Variants in GOLGA6L7 observed in about 807,000 individuals in gnomAD.
The protein encoded by GOLGA6L7 is golgin A6 family like 7, also known as golgin subfamily A member 6-like protein 7.
Under a neutral mutation model 68.9 loss-of-function variants are expected in GOLGA6L7, and 29 were observed. That is an observed-to-expected ratio of 0.42 (90% confidence interval 0.31 to 0.57). The LOEUF (loss-of-function observed/expected upper bound fraction) is 0.57, where lower values mean the gene tolerates loss of function less well. GOLGA6L7 is among the 20% of genes least tolerant of loss of function. GOLGA6L7 has a pLI of 0.13. For synonymous variants in GOLGA6L7, 133 were observed against 197.4 expected (o/e 0.67, Z 2.73); for missense variants, 396 against 588.4 (o/e 0.67, Z 3.38).
chr15:28,848,011 C>T (rs1430778662), intron 1 of GOLGA6L7, among the ~76,000 whole-genome samples: 5 of 152,160 alleles, frequency 3.3e-5, no homozygotes, highest in African/African-American at 1.2e-4. Flanking sequence ...TTGAGATTGG[C>T]ATGGGGTCAC....
At chr15:28,847,775 T>C (rs573543108) in intron 1 of GOLGA6L7, among the ~76,000 whole-genome samples, 234 of 152,308 alleles carry the variant, frequency 1.5e-3, no homozygotes, top group African/African-American at 5.5e-3. Context: ...ATGAGGAAGA[T>C]TCAAGTTGTC....
At chr15:28,847,702 A>G (rs1198618362) in intron 1 of GOLGA6L7, among the ~76,000 whole-genome samples, 13 of 152,260 alleles carry the variant, frequency 8.5e-5, no homozygotes, top group African/African-American at 2.4e-4. Context: ...AGGAAAACTG[A>G]TGCTTCAGAA....
intron 7 of GOLGA6L7, 73 bp from the exon 8 acceptor site, chr15:28,843,948 C>T (rs1472400260): frequency 1.5e-6 from 1 of 683,444 alleles, no homozygotes; most frequent in Non-Finnish European, 2.4e-6. Context: ...GACCCTCTAC[C>T]CTCGCCCCAC....
chr15:28,844,201 C>G lies in GOLGA6L7; in HGVS notation c.521+4G>C. 1 of 500,024 alleles carries G rather than the reference C, an allele frequency of 2.0e-6. No individual in the cohort carries two copies. Among genetic ancestry groups the G allele is most frequent in the Non-Finnish European group, 3.4e-6 (1 of 290,168 alleles). 31.0% of individuals were successfully genotyped at this position (500,024 alleles called of 1,614,324 possible). A position where few individuals can be genotyped will look rare whatever the true frequency, so the allele number is the denominator to read the frequency against. Reference sequence around the variant, plus strand: ...ACCTCCCATCCCCCCCTCCCCTATCCTACATGTTCCTGAACAGCTCCAGAC... The same window carrying G: ...ACCTCCCATCCCCCCCTCCCCTATCGTACATGTTCCTGAACAGCTCCAGAC... On this transcript the variant is annotated splice_donor_region_variant and intron_variant, in intron 7 of 8. Coordinates refer to ENST00000567390, the MANE Select transcript of GOLGA6L7 (RefSeq NM_001365371.2).
chr15:28,843,375 C>T lies in GOLGA6L7; in HGVS notation c.729G>A (p.Glu243=). 1 of 17,406 alleles carries T rather than the reference C, an allele frequency of 5.7e-5. No individual in the cohort carries two copies. The highest frequency in any genetic ancestry group is 6.3e-5 in the Non-Finnish European group (1 of 15,776). 1.1% of individuals were successfully genotyped at this position (17,406 alleles called of 1,614,324 possible). Residue 243 remains glutamate, a synonymous_variant, in exon 9 of 9, where the codon GAG becomes GAA. Transcript: ENST00000567390. ...TCCGTAGCTTCTCCTGATCCCGTAG[C>T]TCCTCCTGATCCCGTAGCTCCTCCT... ...RQEEELRDQE[E]LRDQEKLRKH...
intron 7 of GOLGA6L7, 33 bp downstream of exon 7, chr15:28,844,172 T>C (rs968689802): frequency 8.7e-6 from 4 of 461,840 alleles, no homozygotes; most frequent in African/African-American, 6.4e-5. Context: ...CTAAGGGCTC[T>C]CAGACCTCCC....
At position 28,842,191 on chromosome 15, in the gene GOLGA6L7, C is replaced by T. The variant is rs1023107483; in HGVS notation, c.*44G>A. On this transcript the variant is annotated 3_prime_UTR_variant, in exon 9 of 9. Transcript: ENST00000567390. ...TGTTCTCAGACTGTATTCACAAGGTCACATGGCGGCTTACACTTCTGTAGG... is the reference window on the plus strand; with the variant it reads ...TGTTCTCAGACTGTATTCACAAGGTTACATGGCGGCTTACACTTCTGTAGG... The T allele has an allele frequency of 8.2e-6, 10 of 1,220,736 alleles. No homozygotes were observed. The highest frequency in any genetic ancestry group is 1.0e-5 in the Non-Finnish European group (10 of 978,384). 75.6% of individuals were successfully genotyped at this position (1,220,736 alleles called of 1,614,324 possible).
intron 6 of GOLGA6L7, 189 bp downstream of exon 6, chr15:28,845,340 G>A (rs921371119): frequency 1.8e-5 from 12 of 682,522 alleles, no homozygotes; most frequent in South Asian, 1.4e-4. Context: ...TCCCCACAGC[G>A]CCCCGCAACT....
At position 28,842,985 on chromosome 15, in the gene GOLGA6L7, C is replaced by G; in HGVS notation, c.1119G>C (p.Glu373Asp). The G allele has an allele frequency of 8.2e-7, 1 of 1,220,632 alleles. No individual in the cohort carries two copies. Among genetic ancestry groups the G allele is most frequent in the Non-Finnish European group, 1.0e-6 (1 of 987,044 alleles). 75.6% of individuals were successfully genotyped at this position (1,220,632 alleles called of 1,614,324 possible). The change falls in exon 9 of 9, where the codon GAG becomes GAC. Residue 373 changes from glutamate (E) to aspartate (D), a missense_variant. Around this residue, in one of 5 missense-constraint regions of GOLGA6L7, gnomAD observed 114 missense variants for 186.0 expected, o/e 0.61. Transcript: ENST00000567390. ...WKQEEQIGEQEEQMRKQEEQM... is the reference protein window; with the variant it reads ...WKQEEQIGEQDEQMRKQEEQM... ...GCTCCTCCTGCTTCCGCATCTGCTC[C>G]TCCTGCTCCCCTATCTGCTCCTCCT... is the stretch of plus-strand genomic sequence containing the variant.
rs746277155 is a variant in GOLGA6L7, at chr15:28,848,486, C to T, written c.51+13G>A. The T allele has an allele frequency of 4.9e-5, 34 of 699,392 alleles. No homozygotes were observed. Among genetic ancestry groups the T allele is most frequent in the East Asian group, 1.4e-4 (5 of 37,026 alleles). 43.3% of individuals were successfully genotyped at this position (699,392 alleles called of 1,614,324 possible). On this transcript the variant is annotated intron_variant, in intron 1 of 8. Coordinates refer to ENST00000567390, the MANE Select transcript of GOLGA6L7 (RefSeq NM_001365371.2). ...GGGTTGGGGTTGGGGTGCTGCAATC[C>T]GATGCGTTTTACCTTTTTCTTGGTC...
At position 28,842,336 on chromosome 15, in the gene GOLGA6L7, C is replaced by T. The variant is rs74006735; in HGVS notation, c.1768G>A (p.Gly590Arg). Residue 590 changes from glycine to arginine, a missense_variant, in exon 9 of 9, where the codon GGA (glycine) becomes AGA (arginine). Around this residue, in one of 5 missense-constraint regions of GOLGA6L7, gnomAD observed 125 missense variants for 163.3 expected, o/e 0.77. Transcript: ENST00000567390. Reference protein sequence around the residue: ...RTAQIMQLPPGMKNAQERPGL... With the variant: ...RTAQIMQLPPRMKNAQERPGL... ...GGGCGCTCCTGGGCGTTCTTCATTC[C>T]AGGGGGCAGCTGCATGATCTGTGCA... is the stretch of plus-strand genomic sequence containing the variant. The T allele has an allele frequency of 2.6e-3, 3,193 of 1,231,146 alleles. 75 individuals are homozygous for T. In the African/African-American group the frequency reaches 0.045, roughly 17 times the overall value. 76.3% of individuals were successfully genotyped at this position (1,231,146 alleles called of 1,614,324 possible).
At chr15:28,846,194 G>A (rs762185406) in intron 3 of GOLGA6L7, 26 bp downstream of exon 3, 15 of 741,356 alleles carry the variant, frequency 2.0e-5, no homozygotes, top group East Asian at 2.5e-5. Context: ...CGGTCATGTC[G>A]TGAGCAAAGA....
chr15:28,842,826 C>T lies in GOLGA6L7; in HGVS notation c.1278G>A (p.Glu426=). 8.0e-7 allele frequency: 1 copy of T among 1,247,260 alleles called. No homozygotes were observed. Among genetic ancestry groups the T allele is most frequent in the Non-Finnish European group, 1.0e-6 (1 of 1,003,192 alleles). 77.3% of individuals were successfully genotyped at this position (1,247,260 alleles called of 1,614,324 possible). A position where few individuals can be genotyped will look rare whatever the true frequency, so the allele number is the denominator to read the frequency against. Residue 426 remains glutamate (E), a synonymous_variant, in exon 9 of 9, where the codon GAG becomes GAA. Transcript: ENST00000567390. The part of the protein sequence containing the change: ...RKQEEQMGEQ[E]EQIRKQEEQM... ...GCTCCTCCTGCTTCCGGATCTGCTC[C>T]TCCTGCTCCCCCATCTGCTCCTCCT...
In GOLGA6L7 at chr15:28,843,862, C is replaced by T; in HGVS notation, c.535G>A (p.Glu179Lys). The T allele has an allele frequency of 1.8e-6, 2 of 1,118,050 alleles. No individual in the cohort carries two copies. Among genetic ancestry groups the T allele is most frequent in the Non-Finnish European group, 2.6e-6 (2 of 765,632 alleles). 69.3% of individuals were successfully genotyped at this position (1,118,050 alleles called of 1,614,324 possible). ...AGTTCGGCATTTTTCTCCTTCAGCTCCTTATTGGTTATGCTATGGCCGGAG... is the reference window on the plus strand; with the variant it reads ...AGTTCGGCATTTTTCTCCTTCAGCTTCTTATTGGTTATGCTATGGCCGGAG... The part of the protein sequence containing the change: ...ELFRNIITNK[E>K]LKEKNAELQE... The change falls in exon 8 of 9, where the codon GAG (glutamate) becomes AAG (lysine). Residue 179 changes from glutamate (E) to lysine (K), a missense_variant. Around this residue, in one of 5 missense-constraint regions of GOLGA6L7, gnomAD observed 125 missense variants for 119.4 expected, o/e 1.05. Coordinates refer to ENST00000567390, the MANE Select transcript of GOLGA6L7 (RefSeq NM_001365371.2).
rs1449000802 is a variant in GOLGA6L7 at position 28,842,012 on chromosome 15, T to G, written c.*223A>C. ...TCACCCAGCCTGGAGTGCAGTGGTG[T>G]GATCTCAGCTCACTGCAACCTCAAC... is the stretch of plus-strand genomic sequence containing the variant. On this transcript the variant is annotated 3_prime_UTR_variant, in exon 9 of 9. Transcript: ENST00000567390. The G allele has an allele frequency of 3.0e-6, 1 of 332,366 alleles. No homozygotes were observed. The highest frequency in any genetic ancestry group is 5.4e-6 in the Non-Finnish European group (1 of 186,196). The allele number at this position is 332,366 out of a possible 1,614,324, so 20.6% of individuals were successfully genotyped here. A position where few individuals can be genotyped will look rare whatever the true frequency, so the allele number is the denominator to read the frequency against.
rs749569395 is a variant in GOLGA6L7 at position 28,847,119 on chromosome 15, T to G, written c.125A>C (p.Asn42Thr). Residue 42 changes from asparagine (N) to threonine (T), a missense_variant, in exon 2 of 9, where the codon AAT becomes ACT. Around this residue, in one of 5 missense-constraint regions of GOLGA6L7, gnomAD observed 18 missense variants for 56.5 expected, o/e 0.32. Coordinates refer to ENST00000567390, the MANE Select transcript of GOLGA6L7 (RefSeq NM_001365371.2). ...GGTTGTCTCAGGGTTAGCGCCATGATTTATTTTCTTCTTTTTGGTGTCGGT... is the reference window on the plus strand; with the variant it reads ...GGTTGTCTCAGGGTTAGCGCCATGAGTTATTTTCTTCTTTTTGGTGTCGGT... ...GATDTKKKKI[N>T]HGANPETTTS... 2 of 1,179,438 alleles carry G rather than the reference T, an allele frequency of 1.7e-6. No individual in the cohort carries two copies. Among genetic ancestry groups the G allele is most frequent in the South Asian group, 2.5e-5 (2 of 80,044 alleles). 73.1% of individuals were successfully genotyped at this position (1,179,438 alleles called of 1,614,324 possible).
Position 28,848,581 on chromosome 15 carries a change from A to C in GOLGA6L7, c.-32T>G. 2 of 715,372 alleles carry C rather than the reference A, an allele frequency of 2.8e-6. No homozygotes were observed. The highest frequency in any genetic ancestry group is 5.1e-6 in the Non-Finnish European group (2 of 391,260). The allele number at this position is 715,372 out of a possible 1,614,324, so 44.3% of individuals were successfully genotyped here. On this transcript the variant is annotated 5_prime_UTR_variant, in exon 1 of 9. It removes an upstream start codon present in the reference 5' UTR. Coordinates refer to ENST00000567390, the MANE Select transcript of GOLGA6L7 (RefSeq NM_001365371.2). ...GGGAGGGTGGTGGGGTTGGGGTCAC[A>C]TTGGCGTGATCCAGGCGAGGACAGT...
rs1160177750 is a variant in GOLGA6L7 at position 28,845,509 on chromosome 15, G to A, written c.462+20C>T. ...TGCGAAGCTGGGCTCCCAGGGGACC[G>A]GGTAGGTGGTTGGACTCACCTTGTC... On this transcript the variant is annotated intron_variant, in intron 6 of 8. Transcript: ENST00000567390. The A allele has an allele frequency of 4.8e-5, 34 of 704,166 alleles. No individual in the cohort carries two copies. The highest frequency in any genetic ancestry group is 8.0e-5 in the Non-Finnish European group (31 of 386,812). 43.6% of individuals were successfully genotyped at this position (704,166 alleles called of 1,614,324 possible). A position where few individuals can be genotyped will look rare whatever the true frequency, so the allele number is the denominator to read the frequency against.
Position 28,842,068 on chromosome 15 carries a change from C to A in GOLGA6L7, c.*167G>T. On this transcript the variant is annotated 3_prime_UTR_variant, in exon 9 of 9. Coordinates refer to ENST00000567390, the MANE Select transcript of GOLGA6L7 (RefSeq NM_001365371.2). The stretch of plus-strand genomic sequence containing the variant: ...ACGTAGCTGGGATTGGTGATCCACC[C>A]GCCTAGGCCTCCCAAAGTGGTGTGA... The A allele has an allele frequency of 2.1e-6, 1 of 475,700 alleles. No individual in the cohort carries two copies. The highest frequency in any genetic ancestry group is 3.3e-6 in the Non-Finnish European group (1 of 305,872). The allele number at this position is 475,700 out of a possible 1,614,324, so 29.5% of individuals were successfully genotyped here. A position where few individuals can be genotyped will look rare whatever the true frequency, so the allele number is the denominator to read the frequency against.
Sources: gnomAD v4.1 joint callset for allele counts (sites outside exome capture counted in the v4.1 genomes callset) on GRCh38, gnomAD v4.1.1 for gene constraint, gnomAD v4.1.1 regional missense constraint, MANE v1.5 for transcripts, NCBI Gene and HGNC (gene_info 2026-07-23, HGNC 2026-07-21) for gene names.